The following BPI variants were observed in gnomAD, a reference collection of about 807,000 sequenced individuals.
BPI encodes bactericidal permeability-increasing protein.
BPI carries 48 observed loss-of-function variants against 57.6 expected under a neutral mutation model. That is an observed-to-expected ratio of 0.83 (90% CI 0.66 to 1.06). The LOEUF is 1.06. BPI is among the 50% of genes least tolerant of loss of function. The pLI is 0.00. For missense variants in BPI, 651 were observed against 609.7 expected, an observed-to-expected ratio of 1.07 and a Z score of -0.71; for synonymous variants, 237 against 238.2, an observed-to-expected ratio of 0.99 and a Z score of 0.05.
At chr20:38,307,942 GA>G (rs2076604870) in intron 2 of BPI, among the ~76,000 whole-genome samples, 1 of 152,220 alleles carries the variant, frequency 6.6e-6, no homozygotes, top group Non-Finnish European at 1.5e-5. Context: ...TTCAAGGTCA[GA>G]AAATCTTTTC....
chr20:38,315,334 C>T (rs757629912), intron 5 of BPI, among the ~76,000 whole-genome samples: 1 of 152,144 alleles, frequency 6.6e-6, no homozygotes, highest in Non-Finnish European at 1.5e-5. Context: ...TGTCATGATG[C>T]CAGGAGGGTC....
rs139500429 is a variant in BPI, at chr20:38,331,301, T to C, written c.1272+211T>C. 7.5e-4 allele frequency among the ~76,000 whole-genome samples: 114 copies of C among 152,314 alleles called. 1 individual carries two copies. The highest frequency in any genetic ancestry group is 7.7e-4 in the East Asian group (4 of 5,184). On this transcript the variant is annotated intron_variant, in intron 12 of 14. Coordinates refer to ENST00000642449, the MANE Select transcript of BPI (RefSeq NM_001725.3). Reference sequence around the variant, plus strand: ...TACTAACTGTGAGGCCTTGGGCAAGTCACTTCCCTTTTCTGAACTCCAGAC... The same window carrying C: ...TACTAACTGTGAGGCCTTGGGCAAGCCACTTCCCTTTTCTGAACTCCAGAC...
intron 6 of BPI, 28 bp from the exon 7 acceptor site, chr20:38,320,155 G>T (rs756614828): frequency 6.3e-7 from 1 of 1,579,132 alleles, no homozygotes; most frequent in Non-Finnish European, 8.7e-7. Context: ...GTGGGAGCCA[G>T]CTCATGGTCC....
intron 7 of BPI, among the ~76,000 whole-genome samples, chr20:38,322,385 A>T (rs2076690999): frequency 1.3e-5 from 2 of 152,260 alleles, no homozygotes; most frequent in Non-Finnish European, 2.9e-5. Context: ...AGTGAATAAG[A>T]AAGGTCTTGT....
chr20:38,323,767 C>A, intron 7 of BPI, 103 bp from the exon 8 acceptor site: 1 of 1,296,100 alleles, frequency 7.7e-7, no homozygotes, highest in Non-Finnish European at 1.1e-6. Context: ...TTTTCCTTTG[C>A]AAGTGTACAA....
chr20:38,312,795 A>G (rs2076627908), intron 5 of BPI, among the ~76,000 whole-genome samples: 1 of 152,236 alleles, frequency 6.6e-6, no homozygotes, highest in Non-Finnish European at 1.5e-5. Flanking sequence ...ATCAAGTGAG[A>G]TCATCTATCT....
chr20:38,320,107 G>A, intron 6 of BPI, 76 bp from the exon 7 acceptor site: 1 of 1,232,896 alleles, frequency 8.1e-7, no homozygotes, highest in Non-Finnish European at 1.2e-6. Flanking sequence ...AATTTTAGGG[G>A]ATTCTGATCC....
chr20:38,317,580 C>T lies in BPI; in HGVS notation c.601-833C>T, dbSNP rs2122520196. 4.7e-5 allele frequency: 33 copies of T among 706,782 alleles called. 1 individual carries two copies. In the South Asian group the frequency reaches 4.8e-4, roughly 10 times the overall value. 43.8% of individuals were successfully genotyped at this position (706,782 alleles called of 1,614,324 possible). On this transcript the variant is annotated intron_variant, in intron 5 of 14. Coordinates refer to ENST00000642449, the MANE Select transcript of BPI (RefSeq NM_001725.3). ...TGGGTTCTGCACAGCCTTTTATGAC[C>T]TCACCTCTGAAGTTACACAAAGGTC...
intron 13 of BPI, 66 bp downstream of exon 13, chr20:38,334,559 C>T: frequency 1.3e-6 from 2 of 1,506,440 alleles, no homozygotes; most frequent in African/African-American, 1.4e-5. Flanking sequence ...TGATTACCCA[C>T]AGCCACCTGT....
intron 4 of BPI, among the ~76,000 whole-genome samples, chr20:38,311,514 T>A (rs986910117): frequency 2.6e-5 from 4 of 151,980 alleles, no homozygotes; most frequent in African/African-American, 9.7e-5. Context: ...AGGGAGGTGT[T>A]GGGGAGGGGG....
chr20:38,326,933 G>A (rs563748505), intron 10 of BPI, among the ~76,000 whole-genome samples: 40 of 151,896 alleles, frequency 2.6e-4, no homozygotes, highest in East Asian at 7.7e-4. Context: ...TCATTTATTC[G>A]TCCATCATTT....
rs1411648039 is a variant in BPI at position 38,337,342 on chromosome 20, C to T, written c.*158C>T. The T allele has an allele frequency of 3.4e-6, 2 of 595,740 alleles. No individual in the cohort carries two copies. The highest frequency in any genetic ancestry group is 3.9e-5 in the African/African-American group (2 of 51,274). The allele number at this position is 595,740 out of a possible 1,614,324, so 36.9% of individuals were successfully genotyped here. A position where few individuals can be genotyped will look rare whatever the true frequency, so the allele number is the denominator to read the frequency against. The stretch of plus-strand genomic sequence containing the variant: ...CAGAAATGATCTAAACACGAGGAAA[C>T]ATTATTCATTGGAAAAGTGCATGGT... On this transcript the variant is annotated 3_prime_UTR_variant, in exon 15 of 15. Transcript: ENST00000642449.
intron 5 of BPI, among the ~76,000 whole-genome samples, chr20:38,315,514 G>A (rs2076647781): frequency 6.6e-6 from 1 of 152,216 alleles, no homozygotes. Flanking sequence ...GCCATCTGTT[G>A]GCCCTGATGG....
chr20:38,312,498 G>C (rs1445849898), intron 5 of BPI, among the ~76,000 whole-genome samples: 2 of 152,214 alleles, frequency 1.3e-5, no homozygotes, highest in Admixed American at 6.5e-5. Flanking sequence ...TCATTTGGCT[G>C]GTTTTCCATT....
intron 11 of BPI, among the ~76,000 whole-genome samples, chr20:38,329,135 CAAAG>C (rs2076729343): frequency 6.6e-6 from 1 of 151,302 alleles, no homozygotes; most frequent in South Asian, 2.1e-4. Context: ...GAGACAGACA[CAAAG>C]GAAGGAAGGG....
chr20:38,323,777 A>G lies in BPI; in HGVS notation c.757-93A>G, dbSNP rs2076698063. ...TTGCTTTTTCCTTTGCAAGTGTACA[A>G]TTGGTGTCTTCAGTCCATTTTTTCC... On this transcript the variant is annotated intron_variant, in intron 7 of 14. Transcript: ENST00000642449. 2.9e-6 allele frequency: 4 copies of G among 1,384,142 alleles called. No homozygotes were observed. In the South Asian group the frequency reaches 5.5e-5, roughly 19 times the overall value. The allele number at this position is 1,384,142 out of a possible 1,614,324, so 85.7% of individuals were successfully genotyped here.
At chr20:38,334,565 C>T in intron 13 of BPI, 72 bp downstream of exon 13, 1 of 1,460,930 alleles carries the variant, frequency 6.8e-7, no homozygotes, top group Non-Finnish European at 9.6e-7. Context: ...CCCACAGCCA[C>T]CTGTTACCTG....
chr20:38,318,479 G>A lies in BPI; in HGVS notation c.664+3G>A, dbSNP rs1161357524. On this transcript the variant is annotated splice_donor_region_variant and intron_variant, in intron 6 of 14. Transcript: ENST00000642449. ...ACCTTATTTCCAGACTCTGCCAGGT[G>A]AGGGCTGGATGAAGATCAAGGATAG... 6 of 1,612,410 alleles carry A rather than the reference G, an allele frequency of 3.7e-6. No homozygotes were observed. Among genetic ancestry groups the A allele is most frequent in the Admixed American group, 1.7e-5 (1 of 60,024 alleles).
In BPI at chr20:38,310,650, G is replaced by C. The variant is rs5743507; in HGVS notation, c.534G>C (p.Val178=). Reference sequence around the variant, plus strand: ...ACGTGCACATCTCAAAGAGCAAAGTGGGGTATGGACTCCCGGGACTGTGGC... The same window carrying C: ...ACGTGCACATCTCAAAGAGCAAAGTCGGGTATGGACTCCCGGGACTGTGGC... ...SVHVHISKSK[V]GWLIQLFHKK... Residue 178 remains valine (V), a splice_region_variant and synonymous_variant, in exon 4 of 15, where the codon GTG becomes GTC. Coordinates refer to ENST00000642449, the MANE Select transcript of BPI (RefSeq NM_001725.3). 0.1 allele frequency: 167,468 copies of C among 1,611,708 alleles called. 9,717 individuals are homozygous for C. The highest frequency in any genetic ancestry group is 0.14 in the Admixed American group (8,543 of 59,910).
Sources: gnomAD v4.1 joint callset for allele counts (sites outside exome capture counted in the v4.1 genomes callset) on GRCh38, gnomAD v4.1.1 for gene constraint, MANE v1.5 for transcripts, NCBI Gene and HGNC (gene_info 2026-07-23, HGNC 2026-07-21) for gene names.